Variants in ST6GAL1 observed in about 807,000 individuals in gnomAD.
The protein encoded by ST6GAL1 is beta-galactoside alpha-2,6-sialyltransferase 1.
In ST6GAL1, 20 loss-of-function variants were observed where a neutral mutation model predicts 38.0. The ratio of observed to expected loss-of-function variants is 0.53; its 90% CI spans 0.37 to 0.77. ST6GAL1 has a LOEUF of 0.77. Ranked by LOEUF, ST6GAL1 falls within the 30% of genes least tolerant of loss-of-function variation. The pLI is 0.00. For missense variants in ST6GAL1, 432 were observed against 496.4 expected (o/e 0.87, Z 1.23); for synonymous variants, 196 against 188.2 (o/e 1.04, Z -0.34).
At chr3:186,968,502 G>A (rs770132486) in intron 2 of ST6GAL1, among the ~76,000 whole-genome samples, 24 of 151,960 alleles carry the variant, frequency 1.6e-4, no homozygotes, top group East Asian at 7.7e-4. Flanking sequence ...GTGTCCTTCC[G>A]AGCTTTATCC....
chr3:186,940,593 T>C (rs1471116969), intron 1 of ST6GAL1, among the ~76,000 whole-genome samples: 1 of 152,186 alleles, frequency 6.6e-6, no homozygotes, highest in African/African-American at 2.4e-5. Flanking sequence ...CGTTTTTTTG[T>C]GTTTTTCTTT....
intron 2 of ST6GAL1, among the ~76,000 whole-genome samples, chr3:186,998,784 C>T (rs964202152): frequency 2.0e-5 from 3 of 152,174 alleles, no homozygotes; most frequent in African/African-American, 7.2e-5. Context: ...TATTTTTACA[C>T]TTACAGCACG....
chr3:186,934,510 C>T (rs377646153), intron 1 of ST6GAL1, among the ~76,000 whole-genome samples: 4 of 150,818 alleles, frequency 2.7e-5, no homozygotes, highest in Non-Finnish European at 5.9e-5. Context: ...TGCAGTGAGC[C>T]GCGATCTCAC....
intron 5 of ST6GAL1, among the ~76,000 whole-genome samples, chr3:187,067,989 A>G (rs1193149766): frequency 2.0e-5 from 3 of 152,188 alleles, no homozygotes; most frequent in Admixed American, 6.5e-5. Flanking sequence ...TCCTTCCCCA[A>G]GAGCTGTGGT....
intron 2 of ST6GAL1, among the ~76,000 whole-genome samples, chr3:186,989,087 G>A (rs1049067534): frequency 5.9e-5 from 9 of 152,150 alleles, no homozygotes; most frequent in African/African-American, 2.2e-4. Flanking sequence ...CAGTAATTGG[G>A]TCACACCTGG....
chr3:186,966,766 T>C lies in ST6GAL1; in HGVS notation c.-183+2840T>C, dbSNP rs371702510. 3.3e-5 allele frequency among the ~76,000 whole-genome samples: 5 copies of C among 152,306 alleles called. No individual in the cohort carries two copies. In the East Asian group the frequency reaches 5.8e-4, roughly 18 times the overall value. On this transcript the variant is annotated intron_variant, in intron 2 of 7. Coordinates refer to ENST00000169298, the MANE Select transcript of ST6GAL1 (RefSeq NM_173216.2). ...CCCAGGAGGTGAGGCCCAGTGGTGC[T>C]GGGCCCCCAGATCTCCCCGCCAGTT...
chr3:186,955,014 A>G (rs1381011391), intron 1 of ST6GAL1, among the ~76,000 whole-genome samples: 1 of 152,210 alleles, frequency 6.6e-6, no homozygotes, highest in African/African-American at 2.4e-5. Flanking sequence ...TGGGTAAGGT[A>G]TAAGGAATGG....
chr3:187,055,900 G>A (rs186436375), intron 5 of ST6GAL1, among the ~76,000 whole-genome samples: 29 of 152,288 alleles, frequency 1.9e-4, no homozygotes, highest in Non-Finnish European at 8.8e-5. Context: ...AATATTGACA[G>A]TGGGGTGTTG....
intron 2 of ST6GAL1, chr3:187,024,988 C>CGTGTGTGTGTGTGTGTGTGTGT (rs144330370): frequency 1.4e-5 from 2 of 145,590 alleles, no homozygotes; most frequent in African/African-American, 5.1e-5. Flanking sequence ...GAACCTGGTG[C>CGTGTGTGTGTGTGTGTGTGTGT]GTGTGTGTGT....
At chr3:187,073,130 C>T (rs1719443286) in intron 6 of ST6GAL1, among the ~76,000 whole-genome samples, 183 bp downstream of exon 6, 1 of 152,216 alleles carries the variant, frequency 6.6e-6, no homozygotes, top group Non-Finnish European at 1.5e-5. Flanking sequence ...CCTATACCAG[C>T]TACTCTCTTT....
intron 2 of ST6GAL1, among the ~76,000 whole-genome samples, chr3:187,036,885 A>G (rs958648995): frequency 6.6e-6 from 1 of 152,166 alleles, no homozygotes; most frequent in Non-Finnish European, 1.5e-5. Flanking sequence ...TGAATCTAAC[A>G]TATAAATTAA....
At chr3:187,010,565 T>TC (rs11394645) in intron 2 of ST6GAL1, among the ~76,000 whole-genome samples, 113,691 of 151,864 alleles carry the variant, frequency 0.75, 42,807 homozygotes, top group South Asian at 0.84. Context: ...ACTCTCCCTT[T>TC]TCCTTTAATC....
chr3:187,013,293 CT>C (rs1158573402), intron 2 of ST6GAL1, among the ~76,000 whole-genome samples: 3 of 152,200 alleles, frequency 2.0e-5, no homozygotes, highest in African/African-American at 7.2e-5. Context: ...CCATCTATTA[CT>C]TCCCCTGTGC....
At chr3:186,967,512 C>G (rs988214774) in intron 2 of ST6GAL1, among the ~76,000 whole-genome samples, 2 of 152,120 alleles carry the variant, frequency 1.3e-5, no homozygotes, top group Admixed American at 1.3e-4. Context: ...GTTTTAAGTA[C>G]CTAACTTGCT....
At chr3:186,987,849 G>A (rs918472177) in intron 2 of ST6GAL1, among the ~76,000 whole-genome samples, 16 of 152,166 alleles carry the variant, frequency 1.1e-4, no homozygotes, top group Non-Finnish European at 1.6e-4. Context: ...TTCTGCTGCT[G>A]CTTCTTATGC....
chr3:186,957,230 C>T (rs979304747), intron 1 of ST6GAL1, among the ~76,000 whole-genome samples: 1 of 152,134 alleles, frequency 6.6e-6, no homozygotes, highest in African/African-American at 2.4e-5. Flanking sequence ...ATCATTTGAA[C>T]CCAAGAGTTT....
chr3:186,932,641 T>C (rs1415784461), intron 1 of ST6GAL1, among the ~76,000 whole-genome samples: 1 of 152,216 alleles, frequency 6.6e-6, no homozygotes, highest in African/African-American at 2.4e-5. Flanking sequence ...GGCCTTTGTT[T>C]GGGCAAAAGC....
chr3:187,025,021 CTGTG>C (rs1424735954), intron 2 of ST6GAL1, among the ~76,000 whole-genome samples: 1 of 100,922 alleles, frequency 9.9e-6, no homozygotes. Context: ...GTGTGTGTGT[CTGTG>C]TGTGTGTGTC....
chr3:186,994,763 A>G (rs1301316125), intron 2 of ST6GAL1, among the ~76,000 whole-genome samples: 3 of 151,940 alleles, frequency 2.0e-5, no homozygotes, highest in African/African-American at 7.3e-5. Context: ...GGCCAACATG[A>G]TGAAACTCCG....
Sources: allele counts gnomAD v4.1 joint callset (sites outside exome capture counted in the v4.1 genomes callset), GRCh38; gene constraint gnomAD v4.1.1; transcripts MANE v1.5; gene names NCBI Gene and HGNC (gene_info 2026-07-23, HGNC 2026-07-21).